The following FHIT variants were observed in gnomAD, a reference collection of about 807,000 sequenced individuals.
FHIT encodes bis(5'-adenosyl)-triphosphatase.
A neutral mutation model predicts 17.9 loss-of-function variants in FHIT; 19 were observed. That is an observed-to-expected ratio of 1.06 (90% CI 0.74 to 1.56). FHIT has a LOEUF of 1.56. FHIT is among the 40% of genes most tolerant of loss of function. The pLI is 0.00. For missense variants in FHIT, 248 were observed against 189.2 expected, an observed-to-expected ratio of 1.31 and a Z score of -1.82; for synonymous variants, 81 against 69.7, an observed-to-expected ratio of 1.16 and a Z score of -0.81.
At chr3:60,106,936 T>C (rs910344549) in intron 5 of FHIT, among the ~76,000 whole-genome samples, 8 of 152,180 alleles carry the variant, frequency 5.3e-5, no homozygotes, top group Non-Finnish European at 7.3e-5. Flanking sequence ...AAAACTGCTC[T>C]TTAAGGAAAC....
At chr3:59,802,579 A>AT (rs1337367148) in intron 8 of FHIT, among the ~76,000 whole-genome samples, 2 of 151,162 alleles carry the variant, frequency 1.3e-5, no homozygotes, top group Admixed American at 6.6e-5. Context: ...TTTGACTGTG[A>AT]TTTTCCATTA....
At chr3:60,835,589 G>A (rs972169273) in intron 3 of FHIT, among the ~76,000 whole-genome samples, 1 of 152,120 alleles carries the variant, frequency 6.6e-6, no homozygotes, top group East Asian at 1.9e-4. Context: ...CCACCTTAAT[G>A]AACTCAATTA....
At chr3:61,035,945 A>G (rs932286024) in intron 3 of FHIT, among the ~76,000 whole-genome samples, 1 of 152,220 alleles carries the variant, frequency 6.6e-6, no homozygotes, top group Non-Finnish European at 1.5e-5. Flanking sequence ...GGGCAAATCA[A>G]ATGAAATGGT....
chr3:60,072,800 T>A (rs1345339536), intron 5 of FHIT, among the ~76,000 whole-genome samples: 1 of 152,210 alleles, frequency 6.6e-6, no homozygotes, highest in African/African-American at 2.4e-5. Context: ...CTTCATGGTA[T>A]CAGGATATGA....
chr3:60,291,922 T>C (rs1419750769), intron 5 of FHIT, among the ~76,000 whole-genome samples: 1 of 152,154 alleles, frequency 6.6e-6, no homozygotes, highest in African/African-American at 2.4e-5. Context: ...AGACTTCCCA[T>C]GGAGTCTGGC....
intron 2 of FHIT, among the ~76,000 whole-genome samples, chr3:61,065,872 A>G (rs1287290235): frequency 2.0e-5 from 3 of 152,176 alleles, no homozygotes; most frequent in Non-Finnish European, 4.4e-5. Flanking sequence ...TTACAGACCT[A>G]GATGCCTTCA....
intron 8 of FHIT, among the ~76,000 whole-genome samples, chr3:59,847,985 G>A (rs1414319716): frequency 6.6e-6 from 1 of 152,144 alleles, no homozygotes; most frequent in Non-Finnish European, 1.5e-5. Flanking sequence ...AATTCCCTAG[G>A]AGTCACTTCA....
At chr3:60,702,696 C>T (rs2041277158) in intron 4 of FHIT, among the ~76,000 whole-genome samples, 1 of 151,990 alleles carries the variant, frequency 6.6e-6, no homozygotes, top group Admixed American at 6.6e-5. Flanking sequence ...GTATCATTTT[C>T]TTCGCTTAAT....
chr3:60,843,479 G>A (rs1258106104), intron 3 of FHIT, among the ~76,000 whole-genome samples: 1 of 152,030 alleles, frequency 6.6e-6, no homozygotes, highest in Non-Finnish European at 1.5e-5. Context: ...AACCAAAAGA[G>A]CCTTGCATGT....
chr3:61,112,511 T>C (rs988430067), intron 2 of FHIT, among the ~76,000 whole-genome samples: 5 of 152,272 alleles, frequency 3.3e-5, no homozygotes, highest in African/African-American at 7.2e-5. Flanking sequence ...TCAATGACAA[T>C]TGAAATGTCT....
intron 8 of FHIT, among the ~76,000 whole-genome samples, chr3:59,808,877 AC>A (rs1490999959): frequency 1.3e-5 from 2 of 152,150 alleles, no homozygotes; most frequent in Non-Finnish European, 2.9e-5. Flanking sequence ...CACAAAAGAC[AC>A]CAAAAACTCT....
At chr3:60,876,599 A>C (rs1042775221) in intron 3 of FHIT, among the ~76,000 whole-genome samples, 2 of 152,232 alleles carry the variant, frequency 1.3e-5, no homozygotes, top group Non-Finnish European at 2.9e-5. Context: ...GAATACATTT[A>C]ACAAGTAAAT....
At chr3:61,108,924 G>A (rs2036072099) in intron 2 of FHIT, among the ~76,000 whole-genome samples, 2 of 152,150 alleles carry the variant, frequency 1.3e-5, no homozygotes, top group African/African-American at 4.8e-5. Flanking sequence ...ACAGTTCTCT[G>A]GGCAAGCAAC....
At chr3:60,715,711 T>C (rs1428201720) in intron 4 of FHIT, among the ~76,000 whole-genome samples, 1 of 151,856 alleles carries the variant, frequency 6.6e-6, no homozygotes, top group Non-Finnish European at 1.5e-5. Context: ...GCATGGCACA[T>C]GTATACATAT....
chr3:60,123,001 T>A (rs903637232), intron 5 of FHIT, among the ~76,000 whole-genome samples: 1 of 152,216 alleles, frequency 6.6e-6, no homozygotes, highest in Non-Finnish European at 1.5e-5. Context: ...TGGGCTGGTA[T>A]AATTGTGCAG....
At chr3:60,176,028 T>A (rs532349289) in intron 5 of FHIT, among the ~76,000 whole-genome samples, 11 of 152,198 alleles carry the variant, frequency 7.2e-5, no homozygotes, top group Non-Finnish European at 1.5e-4. Context: ...TTAAATATCA[T>A]TGAGTTAATT....
intron 5 of FHIT, among the ~76,000 whole-genome samples, chr3:60,070,161 G>A (rs1021075535): frequency 6.6e-6 from 1 of 152,086 alleles, no homozygotes; most frequent in South Asian, 2.1e-4. Context: ...AGTGCCCTGG[G>A]TCCAAACTCA....
intron 4 of FHIT, among the ~76,000 whole-genome samples, chr3:60,546,494 T>A (rs2036369572): frequency 1.3e-5 from 2 of 152,230 alleles, no homozygotes; most frequent in Admixed American, 1.3e-4. Context: ...TGTTATAATT[T>A]CAAATAATGC....
chr3:60,435,542 C>T (rs1246112478), intron 5 of FHIT, among the ~76,000 whole-genome samples: 1 of 152,016 alleles, frequency 6.6e-6, no homozygotes, highest in Non-Finnish European at 1.5e-5. Flanking sequence ...AGCTAAAAGG[C>T]TAATACCTCC....
Sources: allele counts gnomAD v4.1 joint callset (sites outside exome capture counted in the v4.1 genomes callset), GRCh38; gene constraint gnomAD v4.1.1; transcripts MANE v1.5; gene names NCBI Gene and HGNC (gene_info 2026-07-23, HGNC 2026-07-21).